PKIB: variants seen among roughly 807,000 people sequenced by gnomAD.
PKIB encodes the protein cAMP-dependent protein kinase inhibitor beta, also known as PKI-beta.
A neutral mutation model predicts 4.5 loss-of-function variants in PKIB; 2 were observed. The observed-to-expected ratio is 0.44, with a 90% CI of 0.18 to 1.39. The LOEUF is 1.39. Among genes scored for constraint, PKIB ranks in the 40% most tolerant of loss-of-function variants. The probability of loss-of-function intolerance (pLI) is 0.27; values close to 1 mark genes in which losing one functional copy is unlikely to be tolerated. For synonymous variants in PKIB, 38 were observed against 36.0 expected (o/e 1.06, Z -0.20); for missense variants, 94 against 92.6 (o/e 1.02, Z -0.06).
At position 122,667,022 on chromosome 6, in the gene PKIB, C is replaced by G. The variant is rs111895296; in HGVS notation, c.-75-8056C>G. Among the ~76,000 whole-genome samples, 688 of 152,094 alleles carry G rather than the reference C, an allele frequency of 4.5e-3. 1 individual carries two copies. The highest frequency in any genetic ancestry group is 7.2e-3 in the Non-Finnish European group (487 of 68,000). The stretch of plus-strand genomic sequence containing the variant: ...ATGCATCTAGAAAGTCATGGGCACT[C>G]CACAATTGTTTGCTCCCTTTCCTCC... On this transcript the variant is annotated intron_variant, in intron 2 of 4. Transcript: ENST00000368452.
intron 2 of PKIB, among the ~76,000 whole-genome samples, chr6:122,639,854 T>C (rs1776059068): frequency 6.6e-6 from 1 of 152,158 alleles, no homozygotes; most frequent in Admixed American, 6.6e-5. Context: ...GACGGGTTGG[T>C]TTTGGAGGTG....
intron 3 of PKIB, among the ~76,000 whole-genome samples, chr6:122,586,713 A>G (rs929576279): frequency 5.3e-5 from 8 of 152,108 alleles, no homozygotes; most frequent in Admixed American, 1.3e-4. Flanking sequence ...AATTGATGAT[A>G]TAGCCAAGGG....
chr6:122,573,521 C>CAAAAAAAAAAAAAAAAAAAAAAAAAAA (rs61014475), intron 2 of PKIB, among the ~76,000 whole-genome samples: 2 of 87,588 alleles, frequency 2.3e-5, no homozygotes, highest in African/African-American at 8.6e-5. Flanking sequence ...GACTCTGTCT[C>CAAAAAAAAAAAAAAAAAAAAAAAAAAA]AAAAAAAAAA....
At chr6:122,704,992 G>T (rs1778998039) in intron 3 of PKIB, among the ~76,000 whole-genome samples, 1 of 152,138 alleles carries the variant, frequency 6.6e-6, no homozygotes, top group African/African-American at 2.4e-5. Flanking sequence ...AACAATTGAG[G>T]CTGCAGTGAG....
intron 2 of PKIB, among the ~76,000 whole-genome samples, chr6:122,665,945 T>A: frequency 6.6e-6 from 1 of 152,228 alleles, no homozygotes; most frequent in East Asian, 1.9e-4. Context: ...GCACTTACTA[T>A]GTGTTAGGAA....
At chr6:122,510,839 G>A (rs1410024776) in intron 2 of PKIB, among the ~76,000 whole-genome samples, 1 of 152,126 alleles carries the variant, frequency 6.6e-6, no homozygotes, top group Non-Finnish European at 1.5e-5. Context: ...GAGCCTGAAT[G>A]CCCCCTTTTC....
chr6:122,702,966 G>A (rs1778890292), intron 3 of PKIB, among the ~76,000 whole-genome samples: 1 of 151,836 alleles, frequency 6.6e-6, no homozygotes, highest in South Asian at 2.1e-4. Flanking sequence ...TTTTCATTTG[G>A]AATACATTCT....
chr6:122,715,028 G>T (rs1779424106), intron 3 of PKIB, among the ~76,000 whole-genome samples: 1 of 150,800 alleles, frequency 6.6e-6, no homozygotes. Flanking sequence ...CTCATGATCT[G>T]CTCACCTTGG....
intron 2 of PKIB, among the ~76,000 whole-genome samples, chr6:122,553,489 T>C (rs1442851558): frequency 2.2e-5 from 3 of 133,592 alleles, no homozygotes; most frequent in Admixed American, 7.7e-5. Flanking sequence ...TTCTTTTTTT[T>C]TTTTTTTTTT....
At chr6:122,631,627 C>G (rs1204503587) in intron 1 of PKIB, among the ~76,000 whole-genome samples, 1 of 152,168 alleles carries the variant, frequency 6.6e-6, no homozygotes, top group African/African-American at 2.4e-5. Flanking sequence ...CCTGGAGAGA[C>G]AGGCAGGATT....
intron 2 of PKIB, among the ~76,000 whole-genome samples, chr6:122,506,561 T>G (rs191008166): frequency 6.6e-6 from 1 of 152,136 alleles, no homozygotes; most frequent in African/African-American, 2.4e-5. Context: ...TTTGATAGTA[T>G]AGTTTTTGTT....
intron 2 of PKIB, among the ~76,000 whole-genome samples, chr6:122,658,693 C>G (rs1049064486): frequency 1.3e-5 from 2 of 151,566 alleles, no homozygotes; most frequent in African/African-American, 4.8e-5. Context: ...CAGGGGAAAG[C>G]CTTGTTTGTT....
chr6:122,518,326 A>C (rs770309973), intron 2 of PKIB, among the ~76,000 whole-genome samples: 18 of 152,174 alleles, frequency 1.2e-4, no homozygotes, highest in Non-Finnish European at 2.4e-4. Flanking sequence ...GTAATCTAGA[A>C]GGGGATAGAA....
intron 1 of PKIB, among the ~76,000 whole-genome samples, chr6:122,615,493 C>T (rs917467033): frequency 6.6e-6 from 1 of 152,248 alleles, no homozygotes; most frequent in East Asian, 1.9e-4. Context: ...TGAGAGCTGG[C>T]ACAATTTACA....
At chr6:122,537,924 G>A (rs1322909612) in intron 2 of PKIB, among the ~76,000 whole-genome samples, 1 of 151,854 alleles carries the variant, frequency 6.6e-6, no homozygotes, top group Non-Finnish European at 1.5e-5. Flanking sequence ...TTCTCTGATG[G>A]CCAGTGATGA....
At chr6:122,640,979 G>C (rs1280727572) in intron 2 of PKIB, among the ~76,000 whole-genome samples, 2 of 151,956 alleles carry the variant, frequency 1.3e-5, no homozygotes, top group Non-Finnish European at 2.9e-5. Context: ...AGAGAACAAA[G>C]AATAAAATCA....
chr6:122,621,718 G>A (rs572570965), intron 1 of PKIB, among the ~76,000 whole-genome samples: 23 of 152,322 alleles, frequency 1.5e-4, no homozygotes, highest in African/African-American at 4.8e-4. Flanking sequence ...AAATTTGATA[G>A]GAAATAGATT....
chr6:122,474,134 A>AAAAC (rs1005739827), intron 1 of PKIB, among the ~76,000 whole-genome samples: 32 of 152,360 alleles, frequency 2.1e-4, no homozygotes, highest in African/African-American at 7.2e-4. Context: ...ACTCTGTCTC[A>AAAAC]AAACAAACAA....
At chr6:122,605,739 G>T (rs1774509435), upstream of PKIB, among the ~76,000 whole-genome samples, 1 of 152,020 alleles carries the variant, frequency 6.6e-6, no homozygotes, top group Admixed American at 6.6e-5. Flanking sequence ...ACTGTCCCAG[G>T]TACATGACTT....
Sources: gnomAD v4.1 joint callset for allele counts (sites outside exome capture counted in the v4.1 genomes callset) on GRCh38, gnomAD v4.1.1 for gene constraint, MANE v1.5 for transcripts, NCBI Gene and HGNC (gene_info 2026-07-23, HGNC 2026-07-21) for gene names.